SREK1: variants seen among roughly 807,000 people sequenced by gnomAD.
SREK1 encodes splicing regulatory glutamine/lysine-rich protein 1.
SREK1 carries 13 observed loss-of-function variants against 66.5 expected under a neutral mutation model. That is an observed-to-expected ratio of 0.20 (90% CI 0.13 to 0.31). SREK1 has a LOEUF of 0.31. SREK1 is among the 10% of genes least tolerant of loss of function. SREK1 has a pLI of 1.00. For missense variants in SREK1, 607 were observed against 769.6 expected (o/e 0.79, Z 2.50); for synonymous variants, 265 against 263.5 (o/e 1.01, Z -0.05).
intron 9 of SREK1, among the ~76,000 whole-genome samples, chr5:66,172,975 G>A (rs1745767662): frequency 6.6e-6 from 1 of 151,690 alleles, no homozygotes; most frequent in Non-Finnish European, 1.5e-5. Flanking sequence ...AATTACAGGC[G>A]TGTGCCACCA....
At position 66,162,579 on chromosome 5, in the gene SREK1, G is replaced by T; in HGVS notation, c.742G>T (p.Asp248Tyr). ...ALAFNGVMFG[D>Y]RPLKINHSNN... Reference sequence around the variant, plus strand: ...TGCTTTTAATGGAGTTATGTTTGGAGACAGGCCACTGAAGTAAGAAATCCT... The same window carrying T: ...TGCTTTTAATGGAGTTATGTTTGGATACAGGCCACTGAAGTAAGAAATCCT... Residue 248 changes from aspartate (D) to tyrosine (Y), a missense_variant, in exon 5 of 12, where the codon GAC (aspartate) becomes TAC (tyrosine). Asp to Tyr is a radical substitution (Grantham distance 160). Coordinates refer to ENST00000334121, the MANE Select transcript of SREK1 (RefSeq NM_001077199.3). 1 of 1,609,306 alleles carries T rather than the reference G, an allele frequency of 6.2e-7. No homozygotes were observed. The highest frequency in any genetic ancestry group is 8.5e-7 in the Non-Finnish European group (1 of 1,177,154).
intron 2 of SREK1, chr5:66,157,717 A>G (rs1744410117): frequency 1.1e-6 from 1 of 949,362 alleles, no homozygotes; most frequent in Non-Finnish European, 1.3e-6. Flanking sequence ...GAAATAATAA[A>G]GATAACTTTG....
intron 9 of SREK1, among the ~76,000 whole-genome samples, chr5:66,172,761 G>C (rs1441347675): frequency 6.6e-6 from 1 of 151,578 alleles, no homozygotes; most frequent in Admixed American, 6.6e-5. Flanking sequence ...AGTTTATAAA[G>C]GCAGCAGTTT....
Position 66,144,366 on chromosome 5 carries a change from G to GCGGGAT in SREK1, c.-4_2dup. Reference sequence around the variant, plus strand: ...GTTGGGGAGCGGGAAGGCAACGGCAGCGGGATCGGGATGAACAGCGGCGGC... The same window carrying GCGGGAT: ...GTTGGGGAGCGGGAAGGCAACGGCAGCGGGATCGGGATCGGGATGAACAGCGGCGGC... On this transcript the variant is annotated 5_prime_UTR_variant, in exon 1 of 12. Coordinates refer to ENST00000334121, the MANE Select transcript of SREK1 (RefSeq NM_001077199.3). The GCGGGAT allele has an allele frequency of 6.5e-7, 1 of 1,534,014 alleles. No individual in the cohort carries two copies. Among genetic ancestry groups the GCGGGAT allele is most frequent in the Non-Finnish European group, 8.8e-7 (1 of 1,134,562 alleles).
intron 1 of SREK1, 64 bp from the exon 2 acceptor site, chr5:66,153,399 A>T: frequency 1.9e-6 from 3 of 1,561,810 alleles, no homozygotes; most frequent in Non-Finnish European, 2.6e-6. Context: ...AAGAAATTTT[A>T]AGTGAAAATG....
chr5:66,176,426 G>A (rs1479935874), intron 10 of SREK1, among the ~76,000 whole-genome samples: 1 of 152,000 alleles, frequency 6.6e-6, no homozygotes, highest in African/African-American at 2.4e-5. Context: ...TTATTTTTCT[G>A]CTTGAACATG....
intron 8 of SREK1, among the ~76,000 whole-genome samples, 165 bp downstream of exon 8, chr5:66,170,335 T>C (rs1043045239): frequency 6.6e-6 from 1 of 152,208 alleles, no homozygotes; most frequent in African/African-American, 2.4e-5. Context: ...AGGATTAATA[T>C]TGATTGCCAG....
chr5:66,177,888 A>G (rs1746189903), intron 11 of SREK1, among the ~76,000 whole-genome samples: 1 of 152,138 alleles, frequency 6.6e-6, no homozygotes, highest in Admixed American at 6.6e-5. Context: ...GGCATGCAAT[A>G]AGAAAAATTT....
At chr5:66,156,911 G>A in intron 2 of SREK1, 3 of 864,542 alleles carry the variant, frequency 3.5e-6, no homozygotes, top group Non-Finnish European at 4.1e-6. Flanking sequence ...CTATAATACT[G>A]TGAGAGATGT....
rs36092845 is a variant in SREK1, at chr5:66,154,098, A to T, written c.295+502A>T. On this transcript the variant is annotated intron_variant, in intron 2 of 11. Coordinates refer to ENST00000334121, the MANE Select transcript of SREK1 (RefSeq NM_001077199.3). ...AGATCATTATTTTATATTCAATGTA[A>T]TTGTTTGCTTTGCAACTGGAATTTA... Among the ~76,000 whole-genome samples, 145 of 152,256 alleles carry T rather than the reference A, an allele frequency of 9.5e-4. 1 individual carries two copies. The highest frequency in any genetic ancestry group is 3.4e-3 in the Middle Eastern group (1 of 294).
At chr5:66,176,033 C>T (rs1222729070) in intron 10 of SREK1, among the ~76,000 whole-genome samples, 1 of 152,136 alleles carries the variant, frequency 6.6e-6, no homozygotes, top group Non-Finnish European at 1.5e-5. Context: ...ATAGAACTTT[C>T]CCATTGTTCC....
Position 66,178,957 on chromosome 5 carries a change from A to G in SREK1, c.*89A>G. 1.5e-6 allele frequency: 2 copies of G among 1,359,420 alleles called. No homozygotes were observed. Among genetic ancestry groups the G allele is most frequent in the South Asian group, 2.2e-5 (1 of 46,472 alleles). The allele number at this position is 1,359,420 out of a possible 1,614,324, so 84.2% of individuals were successfully genotyped here. A position where few individuals can be genotyped will look rare whatever the true frequency, so the allele number is the denominator to read the frequency against. On this transcript the variant is annotated 3_prime_UTR_variant, in exon 12 of 12. Coordinates refer to ENST00000334121, the MANE Select transcript of SREK1 (RefSeq NM_001077199.3). ...CAAGATGTAAACAGGAAAGAAATCT[A>G]GTTGAGCATGAAGATAGGATCTAAC...
chr5:66,144,592 A>G (rs559787736), intron 1 of SREK1, 55 bp downstream of exon 1: 1 of 1,509,490 alleles, frequency 6.6e-7, no homozygotes, highest in African/African-American at 1.4e-5. Context: ...AGACCTCGGG[A>G]GCCGAGGCGT....
chr5:66,174,911 G>C (rs1352760381), intron 9 of SREK1, 35 bp from the exon 10 acceptor site: 2 of 1,586,232 alleles, frequency 1.3e-6, no homozygotes, highest in Non-Finnish European at 1.7e-6. Context: ...TATTTCAATT[G>C]CTGTTTTTAA....
At chr5:66,163,741 G>T in intron 5 of SREK1, 51 bp from the exon 6 acceptor site, 1 of 1,561,652 alleles carries the variant, frequency 6.4e-7, no homozygotes, top group Non-Finnish European at 8.7e-7. Context: ...TTTGTTTCAT[G>T]TTTTATAAAA....
At chr5:66,174,913 T>C (rs1240546301) in intron 9 of SREK1, 33 bp from the exon 10 acceptor site, 3 of 1,590,746 alleles carry the variant, frequency 1.9e-6, no homozygotes, top group Non-Finnish European at 1.7e-6. Flanking sequence ...TTTCAATTGC[T>C]GTTTTTAAAA....
rs1746376650 is a variant in SREK1 at position 66,179,994 on chromosome 5, T to G, written c.*1126T>G. 1.3e-5 allele frequency: 2 copies of G among 152,566 alleles called. No homozygotes were observed. Among genetic ancestry groups the G allele is most frequent in the African/African-American group, 4.8e-5 (2 of 41,442 alleles). 9.5% of individuals were successfully genotyped at this position (152,566 alleles called of 1,614,324 possible). A position where few individuals can be genotyped will look rare whatever the true frequency, so the allele number is the denominator to read the frequency against. ...AGTTTTATACTGTGATAATTGAAAA[T>G]GAAACATGTTCTTATTTTCCTTAAA... On this transcript the variant is annotated 3_prime_UTR_variant, in exon 12 of 12. Coordinates refer to ENST00000334121, the MANE Select transcript of SREK1 (RefSeq NM_001077199.3).
At position 66,170,816 on chromosome 5, in the gene SREK1, G is replaced by A. The variant is rs1311009034; in HGVS notation, c.1353G>A (p.Lys451=). 2 of 1,612,546 alleles carry A rather than the reference G, an allele frequency of 1.2e-6. No homozygotes were observed. Among genetic ancestry groups the A allele is most frequent in the Non-Finnish European group, 1.7e-6 (2 of 1,179,362 alleles). The change falls in exon 9 of 12, where the codon AAG becomes AAA. Residue 451 remains lysine, a synonymous_variant. Transcript: ENST00000334121. The part of the protein sequence containing the change: ...HEKDRDKEKE[K]EQDKEKEREK... ...AGGATCGAGACAAAGAGAAGGAAAAGGAACAGGACAAAGAAAAGGAACGAG... is the reference window on the plus strand; with the variant it reads ...AGGATCGAGACAAAGAGAAGGAAAAAGAACAGGACAAAGAAAAGGAACGAG...
rs2112137864 is a variant in SREK1, at chr5:66,182,350, A to C, written c.*3482A>C. The C allele has an allele frequency of 6.6e-6, 1 of 152,268 alleles. No individual in the cohort carries two copies. Among genetic ancestry groups the C allele is most frequent in the East Asian group, 1.9e-4 (1 of 5,194 alleles). 9.4% of individuals were successfully genotyped at this position (152,268 alleles called of 1,614,324 possible). ...ATTATTTTCTCATGTTTATTTACTA[A>C]TGTAATTTTCACTTAAAATTAGATG... On this transcript the variant is annotated 3_prime_UTR_variant, in exon 12 of 12. Transcript: ENST00000334121.
Sources: gnomAD v4.1 joint callset for allele counts (sites outside exome capture counted in the v4.1 genomes callset) on GRCh38, gnomAD v4.1.1 for gene constraint, MANE v1.5 for transcripts, NCBI Gene and HGNC (gene_info 2026-07-23, HGNC 2026-07-21) for gene names.